Variants in FHIT observed in about 807,000 individuals in gnomAD.
FHIT encodes bis(5'-adenosyl)-triphosphatase.
A neutral mutation model predicts 17.9 loss-of-function variants in FHIT; 19 were observed. The ratio of observed to expected loss-of-function variants is 1.06; its 90% CI spans 0.74 to 1.56. The LOEUF (loss-of-function observed/expected upper bound fraction) is 1.56. Ranked by LOEUF, FHIT falls within the 40% of genes most tolerant of loss-of-function variation. The pLI, the probability that FHIT is intolerant of heterozygous loss-of-function variation, is 0.00. For synonymous variants in FHIT, 81 were observed against 69.7 expected (o/e 1.16, Z -0.81); for missense variants, 248 against 189.2 (o/e 1.31, Z -1.82).
chr3:60,674,526 T>A (rs2040578785), intron 4 of FHIT, among the ~76,000 whole-genome samples: 1 of 152,186 alleles, frequency 6.6e-6, no homozygotes, highest in South Asian at 2.1e-4. Context: ...CCTTATAGGG[T>A]ACTGAGTTTT....
chr3:59,907,696 G>C (rs1192366621), intron 8 of FHIT, among the ~76,000 whole-genome samples: 1 of 152,206 alleles, frequency 6.6e-6, no homozygotes, highest in Admixed American at 6.5e-5. Flanking sequence ...TAATATATGA[G>C]TTTTCTATTT....
At chr3:59,831,155 C>A (rs1045626551) in intron 8 of FHIT, among the ~76,000 whole-genome samples, 2 of 152,100 alleles carry the variant, frequency 1.3e-5, no homozygotes, top group Non-Finnish European at 2.9e-5. Flanking sequence ...GTGTGCCTGA[C>A]ACAGAGAAAG....
chr3:60,485,506 A>C (rs1035756853), intron 5 of FHIT, among the ~76,000 whole-genome samples: 1 of 152,164 alleles, frequency 6.6e-6, no homozygotes, highest in African/African-American at 2.4e-5. Context: ...CTTTGCAGGG[A>C]CATGGAAGAA....
chr3:60,836,714 T>C (rs9819767), intron 3 of FHIT, among the ~76,000 whole-genome samples: 4,113 of 152,266 alleles, frequency 0.027, 169 homozygotes, highest in African/African-American at 0.093. Flanking sequence ...AGAAAGAAAG[T>C]CATTTTACTA....
intron 7 of FHIT, among the ~76,000 whole-genome samples, chr3:59,953,756 A>G (rs1235648683): frequency 6.6e-6 from 1 of 152,198 alleles, no homozygotes; most frequent in Non-Finnish European, 1.5e-5. Flanking sequence ...CTGCATGTCA[A>G]AAACCTCTGA....
chr3:60,340,218 T>G lies in FHIT; in HGVS notation c.103+196642A>C, dbSNP rs914205716. ...AATTGAAAATCATTACTAAAAACTT[T>G]AGGAAATAAATTTCAAGAACAGACA... is the stretch of plus-strand genomic sequence containing the variant. On this transcript the variant is annotated intron_variant, in intron 5 of 9. Transcript: ENST00000492590. 3.9e-5 allele frequency among the ~76,000 whole-genome samples: 6 copies of G among 152,212 alleles called. No individual in the cohort carries two copies. The South Asian group carries it at 1.2e-3, about 32-fold the overall frequency.
chr3:59,883,135 A>G (rs1374996962), intron 8 of FHIT, among the ~76,000 whole-genome samples: 1 of 152,186 alleles, frequency 6.6e-6, no homozygotes, highest in Non-Finnish European at 1.5e-5. Flanking sequence ...GTAAGCTGGT[A>G]GCTTAAAAAG....
intron 3 of FHIT, among the ~76,000 whole-genome samples, chr3:61,001,752 T>C (rs1192842638): frequency 6.6e-6 from 1 of 152,196 alleles, no homozygotes; most frequent in Non-Finnish European, 1.5e-5. Flanking sequence ...TTCATGAAGC[T>C]ACACTTATGA....
At chr3:60,604,382 A>G (rs1269397888) in intron 4 of FHIT, among the ~76,000 whole-genome samples, 1 of 152,212 alleles carries the variant, frequency 6.6e-6, no homozygotes, top group African/African-American at 2.4e-5. Flanking sequence ...AGATCAAATC[A>G]TATGCTAACA....
At chr3:60,130,804 T>TGTGTGTGTGTGTATATACACAC (rs1449976278) in intron 5 of FHIT, among the ~76,000 whole-genome samples, 1 of 146,816 alleles carries the variant, frequency 6.8e-6, no homozygotes, top group African/African-American at 2.6e-5. Context: ...TACACACATA[T>TGTGTGTGTGTGTATATACACAC]ATATGTGTGT....
intron 5 of FHIT, among the ~76,000 whole-genome samples, chr3:60,458,025 C>T (rs1371641519): frequency 3.9e-5 from 6 of 152,142 alleles, no homozygotes; most frequent in Non-Finnish European, 7.3e-5. Context: ...GTCAGTGTGG[C>T]GGTTCCTCAG....
intron 4 of FHIT, among the ~76,000 whole-genome samples, chr3:60,634,729 CCT>C (rs1239903225): frequency 1.3e-5 from 2 of 152,138 alleles, no homozygotes; most frequent in African/African-American, 4.8e-5. Context: ...TGGGAGAATA[CCT>C]CTCTGTGTTA....
chr3:59,756,725 G>C (rs1559576181), intron 8 of FHIT, among the ~76,000 whole-genome samples: 2 of 152,082 alleles, frequency 1.3e-5, no homozygotes, highest in African/African-American at 4.8e-5. Flanking sequence ...GTGAATCCTG[G>C]AAAAAACAGA....
intron 5 of FHIT, among the ~76,000 whole-genome samples, chr3:60,482,855 C>CA (rs1229608547): frequency 6.6e-6 from 1 of 150,958 alleles, no homozygotes; most frequent in Non-Finnish European, 1.5e-5. Flanking sequence ...GATAGAGACA[C>CA]AAAAAACCCT....
intron 4 of FHIT, among the ~76,000 whole-genome samples, chr3:60,639,148 C>T (rs915461460): frequency 6.7e-6 from 1 of 150,166 alleles, no homozygotes; most frequent in Admixed American, 6.7e-5. Context: ...AGGGCATTTG[C>T]GAATTTGCAT....
intron 3 of FHIT, among the ~76,000 whole-genome samples, chr3:60,895,945 G>A (rs550412334): frequency 6.6e-6 from 1 of 151,668 alleles, no homozygotes; most frequent in Admixed American, 6.6e-5. Flanking sequence ...CCAACCTCCA[G>A]GCTGCAGACT....
intron 3 of FHIT, among the ~76,000 whole-genome samples, chr3:60,975,574 G>C (rs1710196627): frequency 6.6e-6 from 1 of 152,146 alleles, no homozygotes; most frequent in Non-Finnish European, 1.5e-5. Flanking sequence ...AAGCTTGTTG[G>C]TTATGTAGAG....
At chr3:60,969,938 C>T (rs935136818) in intron 3 of FHIT, among the ~76,000 whole-genome samples, 1 of 152,124 alleles carries the variant, frequency 6.6e-6, no homozygotes, top group African/African-American at 2.4e-5. Flanking sequence ...GATCACAGCT[C>T]ACTGCAACCT....
At chr3:60,028,727 G>A (rs150532019) in intron 5 of FHIT, among the ~76,000 whole-genome samples, 4 of 152,126 alleles carry the variant, frequency 2.6e-5, no homozygotes, top group Admixed American at 6.5e-5. Flanking sequence ...TGCCAATTGC[G>A]CTGATGTTCA....
Sources: gnomAD v4.1 joint callset for allele counts (sites outside exome capture counted in the v4.1 genomes callset) on GRCh38, gnomAD v4.1.1 for gene constraint, MANE v1.5 for transcripts, NCBI Gene and HGNC (gene_info 2026-07-23, HGNC 2026-07-21) for gene names.